C2CD3: variants seen among roughly 807,000 people sequenced by gnomAD.
C2CD3 encodes C2 domain containing 3 centriole elongation regulator.
C2CD3 carries 148 observed loss-of-function variants against 234.0 expected under a neutral mutation model. The observed-to-expected ratio is 0.63, with a 90% CI of 0.55 to 0.72. The LOEUF (loss-of-function observed/expected upper bound fraction) is 0.72, where lower values mean the gene tolerates loss of function less well. C2CD3 is among the 30% of genes least tolerant of loss of function. The pLI is 0.00. For synonymous variants in C2CD3, 1,000 were observed against 1,035.4 expected, an observed-to-expected ratio of 0.97 and a Z score of 0.66; for missense variants, 2,577 against 2,811.5, an observed-to-expected ratio of 0.92 and a Z score of 1.89.
At chr11:74,129,856 C>T (rs908464801) in intron 7 of C2CD3, 51 of 125,746 alleles carry the variant, frequency 4.1e-4, no homozygotes, top group African/African-American at 1.9e-3. Flanking sequence ...GCGGATCACT[C>T]GCGGTTAGGA....
At chr11:74,025,194 C>T (rs1952240461) in intron 32 of C2CD3, among the ~76,000 whole-genome samples, 1 of 151,960 alleles carries the variant, frequency 6.6e-6, no homozygotes, top group Admixed American at 6.6e-5. Flanking sequence ...TCTGGGAAAG[C>T]ATATAAAATG....
At chr11:74,132,014 A>T (rs1021493968) in intron 7 of C2CD3, among the ~76,000 whole-genome samples, 2 of 152,208 alleles carry the variant, frequency 1.3e-5, no homozygotes, top group Admixed American at 1.3e-4. Flanking sequence ...TGGAGGGCAC[A>T]TGTTATTCAC....
chr11:74,060,899 A>G (rs553732754), intron 24 of C2CD3, among the ~76,000 whole-genome samples: 79 of 152,336 alleles, frequency 5.2e-4, no homozygotes, highest in African/African-American at 1.7e-3. Flanking sequence ...ACGACTGACT[A>G]ACTAGAATAA....
At chr11:74,082,826 T>C (rs781495868) in intron 22 of C2CD3, among the ~76,000 whole-genome samples, 3 of 152,194 alleles carry the variant, frequency 2.0e-5, no homozygotes, top group Non-Finnish European at 4.4e-5. Context: ...TCCATGCTCA[T>C]GGATAGGAAG....
chr11:74,047,147 C>G (rs1208312367), intron 28 of C2CD3, among the ~76,000 whole-genome samples: 1 of 152,158 alleles, frequency 6.6e-6, no homozygotes, highest in Non-Finnish European at 1.5e-5. Context: ...ACTTTACCAC[C>G]CTGTCCCTTG....
intron 21 of C2CD3, 40 bp downstream of exon 21, chr11:74,085,578 C>A: frequency 6.2e-7 from 1 of 1,605,466 alleles, no homozygotes; most frequent in East Asian, 2.2e-5. Flanking sequence ...ACAATGCAGC[C>A]TCTTTTAATT....
At chr11:74,078,964 T>C (rs959159630) in intron 22 of C2CD3, among the ~76,000 whole-genome samples, 2 of 152,236 alleles carry the variant, frequency 1.3e-5, no homozygotes, top group Non-Finnish European at 2.9e-5. Flanking sequence ...TGGTTTATTA[T>C]GAACAAGCCA....
chr11:74,079,404 T>C (rs2135467065), intron 22 of C2CD3, among the ~76,000 whole-genome samples: 1 of 152,172 alleles, frequency 6.6e-6, no homozygotes, highest in Non-Finnish European at 1.5e-5. Flanking sequence ...GTTTGTTTTT[T>C]TTTGTAGAGA....
At chr11:74,040,908 GCACACACA>G (rs148961390) in intron 29 of C2CD3, among the ~76,000 whole-genome samples, 3 of 144,692 alleles carry the variant, frequency 2.1e-5, no homozygotes, top group Non-Finnish European at 4.6e-5. Context: ...ACACACACAC[GCACACACA>G]CACACACACG....
intron 7 of C2CD3, among the ~76,000 whole-genome samples, chr11:74,130,137 G>A (rs1050938283): frequency 1.4e-5 from 2 of 143,842 alleles, no homozygotes; most frequent in Non-Finnish European, 3.0e-5. Flanking sequence ...GAGGGAGAGG[G>A]AGAGGGAGAG....
chr11:74,067,063 C>T (rs768586963), intron 24 of C2CD3, among the ~76,000 whole-genome samples: 19 of 152,058 alleles, frequency 1.2e-4, no homozygotes, highest in Non-Finnish European at 1.9e-4. Context: ...ATTTCTGTTC[C>T]CAAATATTGG....
intron 9 of C2CD3, among the ~76,000 whole-genome samples, chr11:74,117,461 C>A (rs893041054): frequency 2.1e-5 from 3 of 145,684 alleles, no homozygotes; most frequent in African/African-American, 7.7e-5. Context: ...GAATTGGAGA[C>A]CATTTTTCTA....
intron 30 of C2CD3, among the ~76,000 whole-genome samples, chr11:74,035,115 T>C (rs1035791569): frequency 2.0e-5 from 3 of 152,176 alleles, no homozygotes; most frequent in Admixed American, 6.5e-5. Flanking sequence ...ATTTGATTCC[T>C]GGGGAATAGG....
At chr11:74,111,912 T>G (rs992152085) in intron 11 of C2CD3, among the ~76,000 whole-genome samples, 1 of 129,216 alleles carries the variant, frequency 7.7e-6, no homozygotes, top group African/African-American at 3.0e-5. Flanking sequence ...GTAAACATAT[T>G]TGCTGATACA....
At position 74,077,786 on chromosome 11, in the gene C2CD3, T is replaced by C. The variant is rs1287937178; in HGVS notation, c.4603+329A>G. Among the ~76,000 whole-genome samples, 6 of 2,358 alleles carry C rather than the reference T, an allele frequency of 2.5e-3. 1 individual carries two copies. Among genetic ancestry groups the C allele is most frequent in the Non-Finnish European group, 1.2e-3 (1 of 820 alleles). The allele number at this position is 2,358 out of a possible 152,430, so 1.5% of individuals were successfully genotyped here. Reference sequence around the variant, plus strand: ...AGAACTTACAGTATATATATATATATATATATATATATATATATATATATA... The same window carrying C: ...AGAACTTACAGTATATATATATATACATATATATATATATATATATATATA... On this transcript the variant is annotated intron_variant, in intron 23 of 32. Transcript: ENST00000334126.
intron 28 of C2CD3, among the ~76,000 whole-genome samples, chr11:74,047,309 C>T (rs1001549165): frequency 6.6e-6 from 1 of 152,150 alleles, no homozygotes; most frequent in Non-Finnish European, 1.5e-5. Context: ...GGACAAAAGG[C>T]AAGCCATTAA....
At chr11:74,119,540 T>C (rs946052591) in intron 8 of C2CD3, among the ~76,000 whole-genome samples, 3 of 152,186 alleles carry the variant, frequency 2.0e-5, no homozygotes, top group Admixed American at 6.5e-5. Flanking sequence ...TACCCTTTTT[T>C]CAGCATGTCA....
chr11:74,168,657 T>C lies in C2CD3; in HGVS notation c.56-44A>G, dbSNP rs574087736. 3.9e-6 allele frequency: 6 copies of C among 1,541,448 alleles called. No individual in the cohort carries two copies. In the South Asian group the frequency reaches 5.8e-5, roughly 15 times the overall value. On this transcript the variant is annotated intron_variant, in intron 1 of 32. Coordinates refer to ENST00000334126, the MANE Select transcript of C2CD3 (RefSeq NM_001286577.2). ...AAACTGAGTCAAAATTTAGACTAAA[T>C]ATAGAAAACATATAATATGCTTTTT...
chr11:74,099,302 C>T (rs1428342126), intron 15 of C2CD3, among the ~76,000 whole-genome samples: 3 of 152,114 alleles, frequency 2.0e-5, no homozygotes, highest in Admixed American at 6.5e-5. Context: ...TAGATCTTCA[C>T]GATTGTTCCA....
Sources: gnomAD v4.1 joint callset for allele counts (sites outside exome capture counted in the v4.1 genomes callset) on GRCh38, gnomAD v4.1.1 for gene constraint, MANE v1.5 for transcripts, NCBI Gene and HGNC (gene_info 2026-07-23, HGNC 2026-07-21) for gene names.